CAMKK1: variants seen among roughly 807,000 people sequenced by gnomAD.
The protein encoded by CAMKK1 is calcium/calmodulin-dependent protein kinase kinase 1.
A neutral mutation model predicts 63.5 loss-of-function variants in CAMKK1; 20 were observed. That is an observed-to-expected ratio of 0.32 (90% confidence interval 0.22 to 0.46). The LOEUF (loss-of-function observed/expected upper bound fraction) is 0.46. Among genes scored for constraint, CAMKK1 ranks in the 20% least tolerant of loss-of-function variants. The probability of loss-of-function intolerance (pLI) is 1.00; values close to 1 mark genes in which losing one functional copy is unlikely to be tolerated. For missense variants in CAMKK1, 588 were observed against 658.1 expected (o/e 0.89, Z 1.17); for synonymous variants, 253 against 269.0 (o/e 0.94, Z 0.58).
intron 8 of CAMKK1, among the ~76,000 whole-genome samples, chr17:3,881,101 T>C (rs990253204): frequency 5.3e-5 from 8 of 152,190 alleles, no homozygotes; most frequent in African/African-American, 1.9e-4. Context: ...TCATCTGCTC[T>C]GTAAATACCC....
In CAMKK1 at chr17:3,862,319, G is replaced by A. The variant is rs1204657366; in HGVS notation, c.1446-36C>T. ...GACACCAGGGACAGAGGGACCTCAG[G>A]GTCAGAATATGCACTCAGGGAGACA... is the stretch of plus-strand genomic sequence containing the variant. On this transcript the variant is annotated intron_variant, in intron 15 of 15. Coordinates refer to ENST00000348335, the MANE Select transcript of CAMKK1 (RefSeq NM_032294.3). This position sits in a 1 kb window ranked among gnomAD's most constrained non-coding sequence, Gnocchi z 4.1. The A allele has an allele frequency of 1.3e-6, 2 of 1,503,806 alleles. No individual in the cohort carries two copies. The highest frequency in any genetic ancestry group is 1.2e-5 in the South Asian group (1 of 83,474). The allele number at this position is 1,503,806 out of a possible 1,614,324, so 93.2% of individuals were successfully genotyped here. A position where few individuals can be genotyped will look rare whatever the true frequency, so the allele number is the denominator to read the frequency against.
At position 3,890,164 on chromosome 17, in the gene CAMKK1, G is replaced by C. The variant is rs1203060904; in HGVS notation, c.-44+2775C>G. Among the ~76,000 whole-genome samples, 42 of 152,206 alleles carry C rather than the reference G, an allele frequency of 2.8e-4. No individual in the cohort carries two copies. Among genetic ancestry groups the C allele is most frequent in the Admixed American group, 2.7e-3 (42 of 15,288 alleles). On this transcript the variant is annotated intron_variant, in intron 1 of 15. Coordinates refer to ENST00000348335, the MANE Select transcript of CAMKK1 (RefSeq NM_032294.3). This position sits in a 1 kb window ranked among gnomAD's most constrained non-coding sequence, Gnocchi z 6.5. ...TGTTTATGATCCTGGCGAGTATCTG[G>C]ATGGCCCTGGCAACGGGTGCCCTCC... is the stretch of plus-strand genomic sequence containing the variant.
At chr17:3,886,498 G>A (rs986115341) in intron 1 of CAMKK1, among the ~76,000 whole-genome samples, 39 of 152,290 alleles carry the variant, frequency 2.6e-4, no homozygotes, top group Non-Finnish European at 4.4e-5. Flanking sequence ...CAGGCATGGT[G>A]GCGTGCACCT....
intron 10 of CAMKK1, 66 bp from the exon 11 acceptor site, chr17:3,873,528 C>T (rs1043678776): frequency 2.1e-5 from 32 of 1,527,796 alleles, no homozygotes; most frequent in Admixed American, 1.7e-4. Context: ...CCAGCTCCAG[C>T]GGGCTGCAGG....
chr17:3,864,412 G>A (rs1418249273), intron 15 of CAMKK1, among the ~76,000 whole-genome samples: 2 of 151,928 alleles, frequency 1.3e-5, no homozygotes, highest in Non-Finnish European at 2.9e-5. Flanking sequence ...ACGCCCAGCT[G>A]ATTTTTTGTA....
intron 1 of CAMKK1, among the ~76,000 whole-genome samples, chr17:3,891,330 G>A (rs2055895825): frequency 6.6e-6 from 1 of 152,224 alleles, no homozygotes; most frequent in African/African-American, 2.4e-5. Flanking sequence ...GATATGATAT[G>A]TCAAGTGGTA....
Position 3,882,388 on chromosome 17 carries a change from G to A in CAMKK1, c.685+140C>T, listed in dbSNP as rs1373083086. 1 of 1,603,794 alleles carries A rather than the reference G, an allele frequency of 6.2e-7. No homozygotes were observed. Among genetic ancestry groups the A allele is most frequent in the Non-Finnish European group, 8.5e-7 (1 of 1,170,916 alleles). ...CTGCAGGGCTGGGCAAGGGAATCCA[G>A]GGCTTCAGAACGTGTGTTTTTCTTC... On this transcript the variant is annotated intron_variant, in intron 7 of 15. Transcript: ENST00000348335. This position sits in a 1 kb window ranked among gnomAD's most constrained non-coding sequence, Gnocchi z 4.3.
In CAMKK1 at chr17:3,890,310, C is replaced by A. The variant is rs941266770; in HGVS notation, c.-44+2629G>T. ...GCCCGCTCCCACCATCCCTGGGGAG[C>A]CCCCAAGCACCAATACGGGCTGTTG... On this transcript the variant is annotated intron_variant, in intron 1 of 15. Coordinates refer to ENST00000348335, the MANE Select transcript of CAMKK1 (RefSeq NM_032294.3). The surrounding 1 kb of genome is among the most constrained non-coding windows in gnomAD (Gnocchi z 6.5). Among the ~76,000 whole-genome samples, 1 of 152,160 alleles carries A rather than the reference C, an allele frequency of 6.6e-6. No homozygotes were observed. The highest frequency in any genetic ancestry group is 6.5e-5 in the Admixed American group (1 of 15,288).
intron 12 of CAMKK1, among the ~76,000 whole-genome samples, chr17:3,871,574 T>C (rs1219175356): frequency 6.7e-6 from 1 of 150,058 alleles, no homozygotes; most frequent in East Asian, 1.9e-4. Flanking sequence ...GCCAGGATGG[T>C]CTCGATCTCC....
intron 12 of CAMKK1, 48 bp from the exon 13 acceptor site, chr17:3,869,936 C>A (rs1410570122): frequency 1.4e-6 from 2 of 1,461,056 alleles, no homozygotes; most frequent in Non-Finnish European, 1.9e-6. Flanking sequence ...CTGATGAGGA[C>A]CCCTTCCTGT....
In CAMKK1 at chr17:3,869,876, G is replaced by C. The variant is rs779040658; in HGVS notation, c.1137C>G (p.Ser379Arg). Residue 379 changes from serine to arginine, a missense_variant, in exon 13 of 16, where the codon AGC becomes AGG. Physicochemically the swap from Ser to Arg is moderately radical, Grantham distance 110. This residue lies in a region of CAMKK1 where 226 missense variants were observed against 229.2 expected (regional missense o/e 0.99). Transcript: ENST00000348335. ...PVVFPEEPEISEELKDLILKM... is the reference protein window; with the variant it reads ...PVVFPEEPEIREELKDLILKM... ...TCAGGATCAGGTCCTTGAGCTCCTC[G>C]CTGATTTCTGGCCTGGAGAGGGCGA... 1.2e-6 allele frequency: 2 copies of C among 1,614,164 alleles called. No individual in the cohort carries two copies. The highest frequency in any genetic ancestry group is 2.2e-5 in the South Asian group (2 of 91,086).
At chr17:3,864,027 A>G (rs2143773160) in intron 15 of CAMKK1, among the ~76,000 whole-genome samples, 1 of 150,254 alleles carries the variant, frequency 6.7e-6, no homozygotes, top group South Asian at 2.1e-4. Flanking sequence ...ATCTCAGCTC[A>G]CTGCAACCTC....
At position 3,889,070 on chromosome 17, in the gene CAMKK1, C is replaced by T. The variant is rs547879191; in HGVS notation, c.-43-3340G>A. 2.6e-5 allele frequency among the ~76,000 whole-genome samples: 4 copies of T among 152,210 alleles called. No homozygotes were observed. Among genetic ancestry groups the T allele is most frequent in the East Asian group, 1.9e-4 (1 of 5,162 alleles). ...ATGCCCAGGGTAGGGGGGTGGTCCG[C>T]GCCCCTGGGGGCCCTGGGAGCCTGA... On this transcript the variant is annotated intron_variant, in intron 1 of 15. Coordinates refer to ENST00000348335, the MANE Select transcript of CAMKK1 (RefSeq NM_032294.3). This position sits in a 1 kb window ranked among gnomAD's most constrained non-coding sequence, Gnocchi z 5.2.
rs2055801286 is a variant in CAMKK1, at chr17:3,889,377, G to A, written c.-44+3562C>T. On this transcript the variant is annotated intron_variant, in intron 1 of 15. Coordinates refer to ENST00000348335, the MANE Select transcript of CAMKK1 (RefSeq NM_032294.3). The surrounding 1 kb of genome is among the most constrained non-coding windows in gnomAD (Gnocchi z 5.2). The stretch of plus-strand genomic sequence containing the variant: ...AAGGATTCCTGTGGGCATGGGCACT[G>A]GCTTAGTCCTGCGGCCGTGAACAGC... Among the ~76,000 whole-genome samples the A allele has an allele frequency of 6.6e-6, 1 of 152,144 alleles. No individual in the cohort carries two copies. Among genetic ancestry groups the A allele is most frequent in the African/African-American group, 2.4e-5 (1 of 41,400 alleles).
At position 3,887,028 on chromosome 17, in the gene CAMKK1, G is replaced by GT. The variant is rs1298975000; in HGVS notation, c.-43-1299dup. On this transcript the variant is annotated intron_variant, in intron 1 of 15. Coordinates refer to ENST00000348335, the MANE Select transcript of CAMKK1 (RefSeq NM_032294.3). The surrounding 1 kb of genome is among the most constrained non-coding windows in gnomAD (Gnocchi z 6.1). The stretch of plus-strand genomic sequence containing the variant: ...CTCAGGGAGACCCAGAGTACGCATG[G>GT]TGAAGCGCCTGCTCTACCGCTCGTT... Among the ~76,000 whole-genome samples the GT allele has an allele frequency of 3.3e-5, 5 of 152,152 alleles. No individual in the cohort carries two copies. Among genetic ancestry groups the GT allele is most frequent in the Non-Finnish European group, 7.3e-5 (5 of 68,032 alleles).
At chr17:3,865,377 G>C in intron 15 of CAMKK1, 1 of 990,524 alleles carries the variant, frequency 1.0e-6, no homozygotes, top group African/African-American at 1.7e-5. Flanking sequence ...ACAAAGTGCT[G>C]ACTGGGCACA....
chr17:3,870,371 CTT>C (rs1163962903), intron 12 of CAMKK1, among the ~76,000 whole-genome samples: 3 of 144,606 alleles, frequency 2.1e-5, no homozygotes. Flanking sequence ...CCCCAGGGTT[CTT>C]TTTTTTTTTT....
chr17:3,882,513 A>T lies in CAMKK1; in HGVS notation c.685+15T>A, dbSNP rs1158910474. 6.3e-7 allele frequency: 1 copy of T among 1,596,240 alleles called. No individual in the cohort carries two copies. Among genetic ancestry groups the T allele is most frequent in the South Asian group, 1.1e-5 (1 of 88,910 alleles). On this transcript the variant is annotated intron_variant, in intron 7 of 15. Coordinates refer to ENST00000348335, the MANE Select transcript of CAMKK1 (RefSeq NM_032294.3). This position sits in a 1 kb window ranked among gnomAD's most constrained non-coding sequence, Gnocchi z 4.3. Reference sequence around the variant, plus strand: ...CCCTGAGTGAGCTGCTGTGGGAATGAGCCAGGTCACTCACCCAAATAGAGG... The same window carrying T: ...CCCTGAGTGAGCTGCTGTGGGAATGTGCCAGGTCACTCACCCAAATAGAGG...
chr17:3,864,771 A>C (rs2054452831), intron 15 of CAMKK1, among the ~76,000 whole-genome samples: 1 of 152,012 alleles, frequency 6.6e-6, no homozygotes, highest in South Asian at 2.1e-4. Context: ...CAGGCCCCCC[A>C]CCTCATTATG....
Sources: gnomAD v4.1 joint callset for allele counts (sites outside exome capture counted in the v4.1 genomes callset) on GRCh38, gnomAD v4.1.1 for gene constraint, gnomAD v4.1.1 regional missense constraint, Gnocchi (gnomAD v3.1) non-coding constraint, MANE v1.5 for transcripts, NCBI Gene and HGNC (gene_info 2026-07-23, HGNC 2026-07-21) for gene names.